RBFOX1: variants seen among roughly 807,000 people sequenced by gnomAD.
RBFOX1 encodes the protein RNA binding fox-1 homolog 1, also known as RNA binding protein fox-1 homolog 1.
Under a neutral mutation model 57.7 loss-of-function variants are expected in RBFOX1, and 8 were observed. The observed-to-expected ratio is 0.14, with a 90% confidence interval of 0.08 to 0.25. The LOEUF (loss-of-function observed/expected upper bound fraction) is 0.25. Ranked by LOEUF, RBFOX1 falls within the 10% of genes least tolerant of loss-of-function variation. The pLI, the probability that RBFOX1 is intolerant of heterozygous loss-of-function variation, is 1.00. For missense variants in RBFOX1, 611 were observed against 548.5 expected (o/e 1.11, Z -1.14); for synonymous variants, 326 against 222.4 (o/e 1.47, Z -4.15).
At chr16:7,239,867 C>T (rs919223245) in intron 4 of RBFOX1, among the ~76,000 whole-genome samples, 18 of 147,880 alleles carry the variant, frequency 1.2e-4, no homozygotes, top group Non-Finnish European at 2.3e-4. Context: ...GAAAACTGGG[C>T]CCATAGAGTT....
rs1268057021 is a variant in RBFOX1, at chr16:7,578,597, G to C, written c.271-1180G>C. The stretch of plus-strand genomic sequence containing the variant: ...CTCGGTCGTTATTATTTTACACCTG[G>C]CTGCCTACATTGATAGTTTTGTCCC... On this transcript the variant is annotated intron_variant, in intron 5 of 15. Transcript: ENST00000550418. 2.6e-5 allele frequency among the ~76,000 whole-genome samples: 4 copies of C among 152,134 alleles called. 1 individual carries two copies. Among genetic ancestry groups the C allele is most frequent in the African/African-American group, 9.6e-5 (4 of 41,506 alleles).
intron 10 of RBFOX1, among the ~76,000 whole-genome samples, chr16:7,612,320 CAAAAAAAAAAA>C (rs60248765): frequency 3.2e-4 from 23 of 71,474 alleles, no homozygotes; most frequent in African/African-American, 1.3e-3. Flanking sequence ...GACTCCATCT[CAAAAAAAAAAA>C]AAAAAAAAAA....
chr16:7,393,258 C>T (rs1379228918), intron 4 of RBFOX1, among the ~76,000 whole-genome samples: 2 of 152,152 alleles, frequency 1.3e-5, no homozygotes, highest in African/African-American at 4.8e-5. Context: ...AGCTATGGCC[C>T]ATGCAGGATC....
In RBFOX1 at chr16:7,152,310, C is replaced by G. The variant is rs553985151; in HGVS notation, c.27+100212C>G. ...TCTATCAGTGGAAAGAGAGATGTTG[C>G]TACCAGAAAAACTACAGAAGGGATA... On this transcript the variant is annotated intron_variant, in intron 4 of 15. Transcript: ENST00000550418. Among the ~76,000 whole-genome samples the G allele has an allele frequency of 2.3e-3, 346 of 152,242 alleles. 1 individual carries two copies. Among genetic ancestry groups the G allele is most frequent in the African/African-American group, 8.1e-3 (337 of 41,552 alleles).
At chr16:5,756,507 C>G (rs1286936194) in intron 3 of RBFOX1, among the ~76,000 whole-genome samples, 1 of 152,114 alleles carries the variant, frequency 6.6e-6, no homozygotes, top group African/African-American at 2.4e-5. Flanking sequence ...CTTCTCCATC[C>G]AGGCCTTGTC....
intron 3 of RBFOX1, among the ~76,000 whole-genome samples, chr16:5,856,284 TACACACACACACACAC>T (rs57736862): frequency 1.2e-5 from 1 of 86,300 alleles, no homozygotes; most frequent in African/African-American, 4.7e-5. Flanking sequence ...CACATATATA[TACACACACACACACAC>T]ACACACACAC....
chr16:6,555,592 C>G (rs1045168924), intron 2 of RBFOX1, among the ~76,000 whole-genome samples: 13 of 151,872 alleles, frequency 8.6e-5, no homozygotes, highest in Admixed American at 6.6e-4. Flanking sequence ...CCCAGCTACT[C>G]AGGAGGCTGA....
intron 3 of RBFOX1, among the ~76,000 whole-genome samples, chr16:6,741,367 C>A (rs1332353965): frequency 2.0e-5 from 3 of 152,016 alleles, no homozygotes; most frequent in Non-Finnish European, 2.9e-5. Flanking sequence ...ATAAATTAGA[C>A]TTCATCAAAA....
intron 3 of RBFOX1, among the ~76,000 whole-genome samples, chr16:5,677,988 G>T (rs2050217188): frequency 6.6e-6 from 1 of 152,210 alleles, no homozygotes; most frequent in Non-Finnish European, 1.5e-5. Flanking sequence ...AGCACCGTGG[G>T]GCTCTGTGTG....
intron 3 of RBFOX1, among the ~76,000 whole-genome samples, chr16:7,047,735 T>C (rs201901567): frequency 0.057 from 8,072 of 141,836 alleles, 608 homozygotes; most frequent in East Asian, 0.19. Flanking sequence ...TTTTTTTTTT[T>C]TTTTTTTTTT....
chr16:5,710,614 G>A (rs1168820746), intron 3 of RBFOX1, among the ~76,000 whole-genome samples: 2 of 152,258 alleles, frequency 1.3e-5, no homozygotes, highest in East Asian at 3.9e-4. Flanking sequence ...TGTGGTTGGG[G>A]AGGGTTGGTG....
intron 1 of RBFOX1, among the ~76,000 whole-genome samples, chr16:5,285,520 T>A (rs1461909810): frequency 6.6e-6 from 1 of 152,250 alleles, no homozygotes. Context: ...TTATGTTTCC[T>A]TTTTCATATT....
intron 3 of RBFOX1, among the ~76,000 whole-genome samples, chr16:6,953,142 C>G (rs1244967652): frequency 6.6e-6 from 1 of 152,080 alleles, no homozygotes; most frequent in East Asian, 1.9e-4. Context: ...GTATGTATGC[C>G]TCTTTCCACT....
chr16:5,957,234 A>G (rs1342246410), intron 4 of RBFOX1, among the ~76,000 whole-genome samples: 6 of 151,816 alleles, frequency 4.0e-5, no homozygotes, highest in Admixed American at 1.3e-4. Flanking sequence ...TCTTTTTTTG[A>G]GACAGAGTCT....
chr16:6,026,314 A>G (rs2152374980), intron 1 of RBFOX1, among the ~76,000 whole-genome samples: 1 of 152,330 alleles, frequency 6.6e-6, no homozygotes, highest in South Asian at 2.1e-4. Flanking sequence ...GGAAATAATG[A>G]ATTATTCCAT....
At chr16:6,698,782 A>T (rs927486459) in intron 3 of RBFOX1, among the ~76,000 whole-genome samples, 2 of 152,190 alleles carry the variant, frequency 1.3e-5, no homozygotes, top group Non-Finnish European at 2.9e-5. Flanking sequence ...TTGACTTTCT[A>T]AGCATTATGC....
At chr16:7,098,974 G>A (rs959521180) in intron 4 of RBFOX1, among the ~76,000 whole-genome samples, 11 of 152,032 alleles carry the variant, frequency 7.2e-5, no homozygotes, top group Non-Finnish European at 4.4e-5. Context: ...TATAGCCATT[G>A]GTCTTTTTGA....
intron 3 of RBFOX1, among the ~76,000 whole-genome samples, chr16:5,659,349 G>A (rs1371838514): frequency 3.3e-5 from 5 of 149,560 alleles, no homozygotes; most frequent in Non-Finnish European, 7.4e-5. Context: ...TGTCGCCCAG[G>A]CTGGAGTGCA....
intron 3 of RBFOX1, among the ~76,000 whole-genome samples, chr16:6,688,738 A>G (rs1328989019): frequency 6.6e-6 from 1 of 152,122 alleles, no homozygotes; most frequent in Non-Finnish European, 1.5e-5. Context: ...TGCTGCACAC[A>G]TCAACCCATC....
Sources: allele counts gnomAD v4.1 joint callset (sites outside exome capture counted in the v4.1 genomes callset), GRCh38; gene constraint gnomAD v4.1.1; transcripts MANE v1.5; gene names NCBI Gene and HGNC (gene_info 2026-07-23, HGNC 2026-07-21).